CFAP206: variants seen among roughly 807,000 people sequenced by gnomAD.
The protein encoded by CFAP206 is cilia- and flagella-associated protein 206.
A neutral mutation model predicts 65.4 loss-of-function variants in CFAP206; 53 were observed. The observed-to-expected ratio is 0.81, with a 90% CI of 0.65 to 1.02. The LOEUF (loss-of-function observed/expected upper bound fraction) is 1.02. CFAP206 is among the 50% of genes least tolerant of loss of function. The probability of loss-of-function intolerance (pLI) is 0.00; values close to 1 mark genes in which losing one functional copy is unlikely to be tolerated. For synonymous variants in CFAP206, 250 were observed against 254.4 expected, an observed-to-expected ratio of 0.98 and a Z score of 0.17; for missense variants, 663 against 753.2, an observed-to-expected ratio of 0.88 and a Z score of 1.40.
chr6:87,450,475 A>ATG (rs55870560), intron 11 of CFAP206, among the ~76,000 whole-genome samples: 6,097 of 130,320 alleles, frequency 0.047, 170 homozygotes, highest in African/African-American at 0.088. Flanking sequence ...ATAAATGAAA[A>ATG]TGTGTGTGTG....
At chr6:87,462,253 A>C (rs1768761414) in intron 12 of CFAP206, among the ~76,000 whole-genome samples, 1 of 152,154 alleles carries the variant, frequency 6.6e-6, no homozygotes. Flanking sequence ...ATTCAGTCCC[A>C]CTGACCACAT....
chr6:87,434,099 C>G (rs1168664308), intron 10 of CFAP206, among the ~76,000 whole-genome samples: 2 of 142,230 alleles, frequency 1.4e-5, no homozygotes, highest in Non-Finnish European at 3.1e-5. Flanking sequence ...GACTTCGTCT[C>G]AAAAAAAAAA....
rs1339177799 is a variant in CFAP206 at position 87,442,827 on chromosome 6, C to G, written c.1494+7774C>G. Among the ~76,000 whole-genome samples the G allele has an allele frequency of 3.3e-5, 5 of 152,122 alleles. No homozygotes were observed. The South Asian group carries it at 1.0e-3, about 31-fold the overall frequency. On this transcript the variant is annotated intron_variant, in intron 11 of 12. Coordinates refer to ENST00000369562, the MANE Select transcript of CFAP206 (RefSeq NM_001031743.3). ...CTTTGCATTCCTGGGCTCAATCCAA[C>G]TTGGTATAGTTTATTTTATTTATTT...
intron 12 of CFAP206, among the ~76,000 whole-genome samples, chr6:87,462,334 T>C (rs1487354650): frequency 6.6e-6 from 1 of 152,226 alleles, no homozygotes; most frequent in African/African-American, 2.4e-5. Context: ...AGTTTCCCCA[T>C]ATATCTTCCA....
intron 4 of CFAP206, 198 bp from the exon 5 acceptor site, chr6:87,415,488 T>G (rs1767809414): frequency 1.5e-6 from 1 of 646,630 alleles, no homozygotes; most frequent in East Asian, 3.0e-5. Flanking sequence ...TTTAAGTCAC[T>G]GTAATAAATC....
chr6:87,438,703 GT>G (rs1768315262), intron 11 of CFAP206, among the ~76,000 whole-genome samples: 1 of 152,046 alleles, frequency 6.6e-6, no homozygotes, highest in African/African-American at 2.4e-5. Context: ...ATTTGTCAGA[GT>G]TTTTAACACA....
rs745895976 is a variant in CFAP206 at position 87,415,806 on chromosome 6, TC to T, written c.405del (p.Ser136AlafsTer21). On this transcript the variant is annotated frameshift_variant, in exon 5 of 13. Transcript: ENST00000369562. LOFTEE classifies it high-confidence loss of function. ...TTGGAAAGCCTCTACCGGAAGATTA[TC>T]AGCTATGTGTTACTCCGCTCTGGCC... Reference protein sequence around the residue: ...EELESLYRKIISYVLLRSGLG... With the variant: ...EELESLYRKIXSYVLLRSGLG... The T allele has an allele frequency of 6.2e-7, 1 of 1,613,566 alleles. No homozygotes were observed. The highest frequency in any genetic ancestry group is 8.5e-7 in the Non-Finnish European group (1 of 1,179,720).
chr6:87,450,538 A>G (rs1279826749), intron 11 of CFAP206, among the ~76,000 whole-genome samples: 1 of 145,898 alleles, frequency 6.9e-6, no homozygotes, highest in Non-Finnish European at 1.5e-5. Flanking sequence ...TGATATAGCC[A>G]CTTACCACAA....
At position 87,416,789 on chromosome 6, in the gene CFAP206, A is replaced by G. The variant is rs779442168; in HGVS notation, c.593A>G (p.Asn198Ser). ...TMIVTGIRLFNRDCGKGGEGI... is the reference protein window; with the variant it reads ...TMIVTGIRLFSRDCGKGGEGI... ...ATTGTTACTGGAATTCGTTTATTTA[A>G]CAGAGACTGTGGAAAAGGAGGAGAA... The change falls in exon 6 of 13, where the codon AAC (asparagine) becomes AGC (serine). Residue 198 changes from asparagine (N) to serine (S), a missense_variant. Transcript: ENST00000369562. The G allele has an allele frequency of 9.3e-6, 15 of 1,613,750 alleles. No individual in the cohort carries two copies. Among genetic ancestry groups the G allele is most frequent in the African/African-American group, 2.7e-5 (2 of 74,908 alleles).
chr6:87,429,774 T>G (rs1266208402), intron 9 of CFAP206, among the ~76,000 whole-genome samples: 2 of 152,220 alleles, frequency 1.3e-5, no homozygotes, highest in African/African-American at 4.8e-5. Context: ...AATTTTCTTT[T>G]CAAATTCTAT....
intron 3 of CFAP206, among the ~76,000 whole-genome samples, chr6:87,411,675 G>A (rs1008502450): frequency 6.6e-6 from 1 of 152,048 alleles, no homozygotes; most frequent in Admixed American, 6.6e-5. Flanking sequence ...TCAATCTTGA[G>A]TTGTTAATTT....
chr6:87,431,380 T>A (rs1240868593), intron 10 of CFAP206, among the ~76,000 whole-genome samples: 1 of 152,246 alleles, frequency 6.6e-6, no homozygotes, highest in Non-Finnish European at 1.5e-5. Context: ...AAGTGATTAG[T>A]AATGGAAAGT....
At chr6:87,421,181 G>C (rs1268494541) in intron 7 of CFAP206, among the ~76,000 whole-genome samples, 1 of 152,116 alleles carries the variant, frequency 6.6e-6, no homozygotes, top group East Asian at 1.9e-4. Flanking sequence ...CAGTTTATGT[G>C]AACATTTTAA....
chr6:87,431,709 C>A (rs914810987), intron 10 of CFAP206, among the ~76,000 whole-genome samples: 1 of 152,068 alleles, frequency 6.6e-6, no homozygotes, highest in African/African-American at 2.4e-5. Context: ...GAGATTGCAG[C>A]GAGCTGAGAT....
chr6:87,442,481 CTT>C (rs1306853828), intron 11 of CFAP206, among the ~76,000 whole-genome samples: 1 of 152,076 alleles, frequency 6.6e-6, no homozygotes, highest in Non-Finnish European at 1.5e-5. Context: ...TCATTATACT[CTT>C]TACTTTTATC....
At chr6:87,427,599 T>C (rs1268963766) in intron 8 of CFAP206, among the ~76,000 whole-genome samples, 1 of 152,218 alleles carries the variant, frequency 6.6e-6, no homozygotes, top group Non-Finnish European at 1.5e-5. Flanking sequence ...TGACCTTTAA[T>C]AGGAATAAGA....
Position 87,464,041 on chromosome 6 carries a change from A to G in CFAP206, c.1660A>G (p.Thr554Ala), listed in dbSNP as rs769252113. The change falls in exon 13 of 13, where the codon ACT becomes GCT. Residue 554 changes from threonine (T) to alanine (A), a missense_variant. By Grantham distance (58) the Thr-to-Ala change is moderately conservative. Coordinates refer to ENST00000369562, the MANE Select transcript of CFAP206 (RefSeq NM_001031743.3). ...IKLANLRQKV[T>A]HSVQTDLSHL... is the part of the protein sequence containing the mutation. ...TTAGGCTAATTTGCGCCAGAAAGTT[A>G]CTCACTCAGTACAAACTGATCTTAG... The G allele has an allele frequency of 3.7e-6, 6 of 1,611,576 alleles. 1 individual carries two copies. Among genetic ancestry groups the G allele is most frequent in the Middle Eastern group, 1.7e-4 (1 of 6,054 alleles).
intron 3 of CFAP206, among the ~76,000 whole-genome samples, chr6:87,411,446 A>G (rs747109511): frequency 2.0e-5 from 3 of 152,172 alleles, no homozygotes; most frequent in African/African-American, 4.8e-5. Flanking sequence ...TGTCAGATGC[A>G]TAGTTTGTAC....
At chr6:87,424,343 G>A (rs751261306) in intron 7 of CFAP206, among the ~76,000 whole-genome samples, 2 of 151,982 alleles carry the variant, frequency 1.3e-5, no homozygotes, top group African/African-American at 2.4e-5. Context: ...GCAGTGGCTC[G>A]ATCTTGGCTC....
Sources: allele counts gnomAD v4.1 joint callset (sites outside exome capture counted in the v4.1 genomes callset), GRCh38; gene constraint gnomAD v4.1.1; transcripts MANE v1.5; gene names NCBI Gene and HGNC (gene_info 2026-07-23, HGNC 2026-07-21).